EPHA6: variants seen among roughly 807,000 people sequenced by gnomAD.
The protein encoded by EPHA6 is ephrin type-A receptor 6.
In EPHA6, 50 loss-of-function variants were observed where a neutral mutation model predicts 112.0. The ratio of observed to expected loss-of-function variants is 0.45; its 90% CI spans 0.36 to 0.56. EPHA6 has a LOEUF of 0.56. Ranked by LOEUF, EPHA6 falls within the 20% of genes least tolerant of loss-of-function variation. The pLI, the probability that EPHA6 is intolerant of heterozygous loss-of-function variation, is 0.00. For missense variants in EPHA6, 1,280 were observed against 1,417.4 expected (o/e 0.90, Z 1.56); for synonymous variants, 529 against 490.7 (o/e 1.08, Z -1.03).
intron 11 of EPHA6, among the ~76,000 whole-genome samples, chr3:97,574,545 G>C (rs975924012): frequency 6.6e-6 from 1 of 152,114 alleles, no homozygotes; most frequent in African/African-American, 2.4e-5. Flanking sequence ...TGTGAAGCCA[G>C]TTTTCAGAGA....
At chr3:97,662,870 G>A (rs2094179051) in intron 14 of EPHA6, among the ~76,000 whole-genome samples, 1 of 152,134 alleles carries the variant, frequency 6.6e-6, no homozygotes, top group African/African-American at 2.4e-5. Flanking sequence ...GTGTACACAG[G>A]CTTCCAATAT....
chr3:97,422,134 T>A, intron 6 of EPHA6, among the ~76,000 whole-genome samples: 1 of 104,706 alleles, frequency 9.6e-6, no homozygotes, highest in African/African-American at 4.3e-5. Context: ...AAGAATAGTC[T>A]CTCAAAAAAA....
chr3:97,492,907 A>G (rs1019450487), intron 10 of EPHA6, among the ~76,000 whole-genome samples: 8 of 151,906 alleles, frequency 5.3e-5, no homozygotes, highest in Admixed American at 5.2e-4. Context: ...GACGTTTTCA[A>G]GTATTTAGAG....
intron 3 of EPHA6, among the ~76,000 whole-genome samples, chr3:97,054,997 T>C (rs1211963610): frequency 6.6e-6 from 1 of 152,182 alleles, no homozygotes; most frequent in Non-Finnish European, 1.5e-5. Context: ...TCTGCTTAGC[T>C]GTGTAGACTC....
chr3:97,199,630 C>A (rs182919486), intron 3 of EPHA6, among the ~76,000 whole-genome samples: 3 of 152,232 alleles, frequency 2.0e-5, no homozygotes, highest in East Asian at 1.9e-4. Context: ...GCAGTCTTAA[C>A]CTCTGTGAAA....
intron 3 of EPHA6, among the ~76,000 whole-genome samples, chr3:97,115,661 G>A (rs2047864468): frequency 6.6e-6 from 1 of 151,692 alleles, no homozygotes; most frequent in Admixed American, 6.6e-5. Flanking sequence ...AATGAGAATA[G>A]AGAGAAAAAG....
intron 14 of EPHA6, among the ~76,000 whole-genome samples, chr3:97,695,489 A>T (rs1392006949): frequency 4.6e-5 from 7 of 152,226 alleles, no homozygotes; most frequent in Non-Finnish European, 7.3e-5. Context: ...ACTTCTTTCA[A>T]GAAGCTATCT....
chr3:97,446,551 T>C (rs1484824022), intron 6 of EPHA6, among the ~76,000 whole-genome samples: 2 of 152,140 alleles, frequency 1.3e-5, no homozygotes, highest in African/African-American at 4.8e-5. Context: ...CTTCTCTCTT[T>C]TGGGATGAGA....
intron 11 of EPHA6, among the ~76,000 whole-genome samples, chr3:97,572,249 C>T (rs950745421): frequency 6.7e-6 from 1 of 148,158 alleles, no homozygotes; most frequent in African/African-American, 2.5e-5. Context: ...CTCCCAGGTT[C>T]ATGCCATTCT....
At chr3:97,558,895 T>G (rs1403616696) in intron 11 of EPHA6, among the ~76,000 whole-genome samples, 6 of 152,174 alleles carry the variant, frequency 3.9e-5, no homozygotes, top group Admixed American at 6.6e-5. Context: ...ATATTATTTA[T>G]ACACTTTAAA....
At chr3:97,480,716 A>C (rs1184545653) in intron 9 of EPHA6, among the ~76,000 whole-genome samples, 2 of 152,276 alleles carry the variant, frequency 1.3e-5, no homozygotes, top group African/African-American at 4.8e-5. Flanking sequence ...CGCCATCGTC[A>C]TCATGGCCCG....
chr3:96,925,604 TG>T (rs1490533277), intron 2 of EPHA6, among the ~76,000 whole-genome samples: 1 of 130,534 alleles, frequency 7.7e-6, no homozygotes, highest in Non-Finnish European at 1.5e-5. Context: ...CTTGATTTGC[TG>T]TTTTTTTTTT....
intron 2 of EPHA6, among the ~76,000 whole-genome samples, chr3:96,879,145 C>T (rs2037151840): frequency 6.6e-6 from 1 of 151,920 alleles, no homozygotes; most frequent in Non-Finnish European, 1.5e-5. Context: ...GAAGATAAAA[C>T]ACTTCAGAGG....
intron 6 of EPHA6, among the ~76,000 whole-genome samples, chr3:97,446,571 T>A (rs1250514474): frequency 6.6e-6 from 1 of 152,110 alleles, no homozygotes; most frequent in African/African-American, 2.4e-5. Context: ...ACTAAATGCT[T>A]TTTTTCATTG....
chr3:96,866,920 T>G, intron 2 of EPHA6, 31 bp downstream of exon 2: 1 of 1,306,908 alleles, frequency 7.7e-7, no homozygotes, highest in Non-Finnish European at 1.0e-6. Context: ...AATTGCTGTC[T>G]TTTTTAGATT....
chr3:97,558,331 A>T (rs116536255), intron 11 of EPHA6, among the ~76,000 whole-genome samples: 1,771 of 152,132 alleles, frequency 0.012, 42 homozygotes, highest in African/African-American at 0.04. Flanking sequence ...ATACTCAGCT[A>T]CTGGGCTTCC....
chr3:97,132,315 T>C lies in EPHA6; in HGVS notation c.1115-93949T>C, dbSNP rs927121649. 2.0e-5 allele frequency among the ~76,000 whole-genome samples: 3 copies of C among 152,032 alleles called. 1 individual carries two copies. The highest frequency in any genetic ancestry group is 7.2e-5 in the African/African-American group (3 of 41,428). ...TACTTTCCAAGAGAGGCGCTCAGGG[T>C]TGATTAAAGTGTTGAATATCAAATG... On this transcript the variant is annotated intron_variant, in intron 3 of 17. Transcript: ENST00000389672.
intron 2 of EPHA6, among the ~76,000 whole-genome samples, chr3:96,891,485 C>T (rs960281649): frequency 6.6e-6 from 1 of 152,068 alleles, no homozygotes; most frequent in South Asian, 2.1e-4. Context: ...CCGAGATGGG[C>T]AGATCACTTG....
intron 5 of EPHA6, among the ~76,000 whole-genome samples, chr3:97,299,658 A>G (rs950692028): frequency 1.3e-5 from 2 of 152,190 alleles, no homozygotes; most frequent in Non-Finnish European, 2.9e-5. Flanking sequence ...GATGTAGAAT[A>G]TATTTGTAAG....
Sources: gnomAD v4.1 joint callset for allele counts (sites outside exome capture counted in the v4.1 genomes callset) on GRCh38, gnomAD v4.1.1 for gene constraint, MANE v1.5 for transcripts, NCBI Gene and HGNC (gene_info 2026-07-23, HGNC 2026-07-21) for gene names.